Variants in JMJD1C observed in about 807,000 individuals in gnomAD.
The protein encoded by JMJD1C is jumonji domain-containing protein 1C.
In JMJD1C, 31 loss-of-function variants were observed where a neutral mutation model predicts 245.3. That is an observed-to-expected ratio of 0.13 (90% confidence interval 0.09 to 0.17). The LOEUF (loss-of-function observed/expected upper bound fraction) is 0.17, where lower values mean the gene tolerates loss of function less well. JMJD1C is among the 10% of genes least tolerant of loss of function. The pLI, the probability that JMJD1C is intolerant of heterozygous loss-of-function variation, is 1.00. For synonymous variants in JMJD1C, 1,057 were observed against 1,017.4 expected (o/e 1.04, Z -0.74); for missense variants, 2,691 against 3,000.2 (o/e 0.90, Z 2.41).
Position 63,207,442 on chromosome 10 carries a change from G to A in JMJD1C, c.4227C>T (p.Ser1409=). 6.2e-7 allele frequency: 1 copy of A among 1,614,196 alleles called. No homozygotes were observed. The highest frequency in any genetic ancestry group is 1.1e-5 in the South Asian group (1 of 91,088). The part of the protein sequence containing the change: ...ITSAADTTSV[S]SWGGSEVISS... ...AAATTACTTCTGAACCACCCCAGCTGGAAACACTGGTAGTATCGGCAGCAG... is the reference window on the plus strand; with the variant it reads ...AAATTACTTCTGAACCACCCCAGCTAGAAACACTGGTAGTATCGGCAGCAG... Residue 1409 remains serine (S), a synonymous_variant, in exon 10 of 26, where the codon TCC becomes TCT. Transcript: ENST00000399262.
chr10:63,190,389 A>G (rs1473854478), intron 17 of JMJD1C, among the ~76,000 whole-genome samples: 1 of 151,928 alleles, frequency 6.6e-6, no homozygotes, highest in Non-Finnish European at 1.5e-5. Flanking sequence ...TTTTTAGTAG[A>G]GACAAGGTTT....
At chr10:63,505,741 G>C (rs1174746254) in intron 1 of JMJD1C, among the ~76,000 whole-genome samples, 2 of 151,456 alleles carry the variant, frequency 1.3e-5, no homozygotes, top group African/African-American at 4.9e-5. Context: ...ATAGTGTAGA[G>C]TCACTTTTGA....
intron 3 of JMJD1C, among the ~76,000 whole-genome samples, chr10:63,246,939 G>A (rs183599944): frequency 2.6e-4 from 40 of 151,142 alleles, no homozygotes; most frequent in Non-Finnish European, 4.3e-4. Context: ...TGGCAAAAGC[G>A]ATACTAAGAG....
intron 2 of JMJD1C, among the ~76,000 whole-genome samples, chr10:63,365,936 G>A (rs1033270832): frequency 3.3e-5 from 5 of 152,152 alleles, no homozygotes; most frequent in African/African-American, 1.2e-4. Context: ...TCGTCTGGGG[G>A]CTTTGGCCAC....
At chr10:63,475,133 A>G (rs1953619059) in intron 1 of JMJD1C, among the ~76,000 whole-genome samples, 1 of 152,220 alleles carries the variant, frequency 6.6e-6, no homozygotes, top group Admixed American at 6.5e-5. Context: ...CTTTACAGTT[A>G]TAATAAATAA....
intron 1 of JMJD1C, among the ~76,000 whole-genome samples, chr10:63,399,099 G>A (rs1206060004): frequency 1.3e-5 from 2 of 152,114 alleles, no homozygotes; most frequent in East Asian, 1.9e-4. Flanking sequence ...ATGTTTTTTA[G>A]GGAAAGCATC....
intron 17 of JMJD1C, among the ~76,000 whole-genome samples, chr10:63,190,031 C>T (rs1191533426): frequency 6.6e-6 from 1 of 151,552 alleles, no homozygotes; most frequent in Non-Finnish European, 1.5e-5. Flanking sequence ...GTTGAGATTA[C>T]AAGCATGCAT....
At chr10:63,197,849 C>T (rs1457556177) in intron 12 of JMJD1C, among the ~76,000 whole-genome samples, 3 of 152,170 alleles carry the variant, frequency 2.0e-5, no homozygotes, top group Admixed American at 6.5e-5. Context: ...AGGGATTACT[C>T]TGTGCATTGC....
intron 2 of JMJD1C, among the ~76,000 whole-genome samples, chr10:63,372,241 T>C (rs920976398): frequency 1.3e-5 from 2 of 152,204 alleles, no homozygotes; most frequent in Non-Finnish European, 2.9e-5. Context: ...TGAACCAGAA[T>C]TGCCTATCTA....
intron 1 of JMJD1C, among the ~76,000 whole-genome samples, chr10:63,409,427 G>A (rs540001527): frequency 1.4e-4 from 21 of 152,236 alleles, no homozygotes; most frequent in South Asian, 8.3e-4. Flanking sequence ...TCCTTAAAGC[G>A]GGGCAGGCAT....
At chr10:63,311,048 G>A (rs1939114068) in intron 2 of JMJD1C, among the ~76,000 whole-genome samples, 1 of 152,048 alleles carries the variant, frequency 6.6e-6, no homozygotes, top group African/African-American at 2.4e-5. Flanking sequence ...AGATGTATGA[G>A]AATGTCTAGT....
At position 63,184,699 on chromosome 10, in the gene JMJD1C, A is replaced by G; in HGVS notation, c.6870T>C (p.Tyr2290=). ...DLLKSLPLPE[Y]CNPEGKFNLA... ...AATTGAATTTTCCTTCTGGATTACA[A>G]TATTCTGGCAATGGCAGACTTTTTA... Residue 2290 remains tyrosine, a synonymous_variant, in exon 21 of 26, where the codon TAT becomes TAC. Transcript: ENST00000399262. 6.2e-7 allele frequency: 1 copy of G among 1,613,274 alleles called. No individual in the cohort carries two copies. The highest frequency in any genetic ancestry group is 8.5e-7 in the Non-Finnish European group (1 of 1,179,550).
chr10:63,376,746 A>G (rs1368611451), intron 2 of JMJD1C, among the ~76,000 whole-genome samples: 1 of 152,216 alleles, frequency 6.6e-6, no homozygotes, highest in African/African-American at 2.4e-5. Context: ...ACACCTACTG[A>G]GAAAGTAAAT....
At chr10:63,465,037 C>G (rs1328892711) in intron 1 of JMJD1C, among the ~76,000 whole-genome samples, 1 of 152,226 alleles carries the variant, frequency 6.6e-6, no homozygotes. Flanking sequence ...AGCAACCTTA[C>G]AGGATAAGTT....
chr10:63,402,144 A>AC (rs1554923060), intron 1 of JMJD1C, among the ~76,000 whole-genome samples: 22 of 146,306 alleles, frequency 1.5e-4, no homozygotes, highest in Non-Finnish European at 1.9e-4. Context: ...AAAAAAAAAG[A>AC]AAAAAAAACA....
intron 2 of JMJD1C, among the ~76,000 whole-genome samples, chr10:63,337,625 AAAAGAAAAG>A (rs1158502896): frequency 2.0e-4 from 1 of 5,128 alleles, no homozygotes; most frequent in Non-Finnish European, 5.0e-4. Flanking sequence ...AAAGAAAAGA[AAAAGAAAAG>A]AAAAAAAATC....
At chr10:63,185,456 G>A in intron 20 of JMJD1C, 107 bp downstream of exon 20, 2 of 724,536 alleles carry the variant, frequency 2.8e-6, no homozygotes, top group Non-Finnish European at 4.9e-6. Context: ...ATTTTTAATT[G>A]AGAAAGAAAA....
intron 1 of JMJD1C, 45 bp from the exon 2 acceptor site, chr10:63,380,527 T>C: frequency 6.7e-7 from 1 of 1,488,702 alleles, no homozygotes; most frequent in Middle Eastern, 2.1e-4. Flanking sequence ...AATAGAAGAG[T>C]GGTATATCTT....
intron 2 of JMJD1C, among the ~76,000 whole-genome samples, chr10:63,362,689 T>C (rs1378739974): frequency 6.6e-6 from 1 of 151,978 alleles, no homozygotes; most frequent in East Asian, 1.9e-4. Context: ...CTATGTTACT[T>C]GGGCTAGTCT....
Sources: gnomAD v4.1 joint callset for allele counts (sites outside exome capture counted in the v4.1 genomes callset) on GRCh38, gnomAD v4.1.1 for gene constraint, MANE v1.5 for transcripts, NCBI Gene and HGNC (gene_info 2026-07-23, HGNC 2026-07-21) for gene names.